The following OTUB1 variants were observed in gnomAD, a reference collection of about 807,000 sequenced individuals.
OTUB1 encodes the protein OTU deubiquitinase, ubiquitin aldehyde binding 1.
In OTUB1, 10 loss-of-function variants were observed where a neutral mutation model predicts 35.8. The observed-to-expected ratio is 0.28, with a 90% confidence interval of 0.17 to 0.47. The LOEUF (loss-of-function observed/expected upper bound fraction) is 0.47. Among genes scored for constraint, OTUB1 ranks in the 20% least tolerant of loss-of-function variants. The pLI, the probability that OTUB1 is intolerant of heterozygous loss-of-function variation, is 0.99. For missense variants in OTUB1, 264 were observed against 351.6 expected, an observed-to-expected ratio of 0.75 and a Z score of 1.99; for synonymous variants, 158 against 143.8, an observed-to-expected ratio of 1.10 and a Z score of -0.71.
At chr11:63,989,017 A>G (rs566130245) in intron 3 of OTUB1, 20 of 149,674 alleles carry the variant, frequency 1.3e-4, no homozygotes, top group African/African-American at 2.5e-4. Flanking sequence ...TTCATCTCAG[A>G]AAAAAAAAAA....
In OTUB1 at chr11:63,996,928, A is replaced by C. The variant is rs903343154; in HGVS notation, c.410A>C (p.Asp137Ala). The C allele has an allele frequency of 6.2e-7, 1 of 1,613,948 alleles. No homozygotes were observed. The highest frequency in any genetic ancestry group is 1.3e-5 in the African/African-American group (1 of 74,920). The stretch of plus-strand genomic sequence containing the variant: ...GGCTTCACTGAATTCACAATTGAGG[A>C]TTTCCACAACACGGTGAGCCCTGGT... The part of the protein sequence containing the change: ...SQGFTEFTIE[D>A]FHNTFMDLIE... The change falls in exon 5 of 7, where the codon GAT (aspartate) becomes GCT (alanine). Residue 137 changes from aspartate to alanine, a missense_variant. Around this residue, in one of 2 missense-constraint regions of OTUB1, gnomAD observed 214 missense variants for 317.1 expected, o/e 0.67. Coordinates refer to ENST00000538426, the MANE Select transcript of OTUB1 (RefSeq NM_017670.3).
At chr11:63,995,185 C>T (rs1942705777) in intron 3 of OTUB1, among the ~76,000 whole-genome samples, 1 of 152,232 alleles carries the variant, frequency 6.6e-6, no homozygotes, top group African/African-American at 2.4e-5. Context: ...CAGGATGCAC[C>T]ACCATGTGCA....
At position 63,996,831 on chromosome 11, in the gene OTUB1, G is replaced by A. The variant is rs937645562; in HGVS notation, c.339-26G>A. 5.0e-6 allele frequency: 8 copies of A among 1,613,970 alleles called. No homozygotes were observed. In the African/African-American group the frequency reaches 6.7e-5, roughly 13 times the overall value. Reference sequence around the variant, plus strand: ...TGGGCTGGTCGAGGAGCCCATGCTGGGCCCGCCTTTCCATCCCACCCCCAG... The same window carrying A: ...TGGGCTGGTCGAGGAGCCCATGCTGAGCCCGCCTTTCCATCCCACCCCCAG... On this transcript the variant is annotated intron_variant, in intron 4 of 6. Coordinates refer to ENST00000538426, the MANE Select transcript of OTUB1 (RefSeq NM_017670.3).
chr11:63,993,216 C>T (rs898375786), intron 3 of OTUB1, among the ~76,000 whole-genome samples: 1 of 152,158 alleles, frequency 6.6e-6, no homozygotes, highest in African/African-American at 2.4e-5. Context: ...GGTGGGGCAG[C>T]CTCGGGGAGG....
chr11:63,993,700 C>T (rs1467407227), intron 3 of OTUB1, among the ~76,000 whole-genome samples: 1 of 150,870 alleles, frequency 6.6e-6, no homozygotes, highest in Non-Finnish European at 1.5e-5. Context: ...CTGATGTCGT[C>T]AAGAGAGCAA....
Position 63,988,319 on chromosome 11 carries a change from C to CT in OTUB1, c.59-12dup. On this transcript the variant is annotated splice_polypyrimidine_tract_variant and intron_variant, in intron 1 of 6. Coordinates refer to ENST00000538426, the MANE Select transcript of OTUB1 (RefSeq NM_017670.3). ...GGCCAGGACCCCCTGTAATCTTTGG[C>CT]TTTTTTCCTTTTCCCAGGTGTTAAC... The CT allele has an allele frequency of 3.2e-6, 5 of 1,551,180 alleles. No individual in the cohort carries two copies. The highest frequency in any genetic ancestry group is 4.4e-6 in the Non-Finnish European group (5 of 1,146,412).
intron 1 of OTUB1, among the ~76,000 whole-genome samples, chr11:63,987,740 G>A (rs1365361018): frequency 6.6e-6 from 1 of 152,194 alleles, no homozygotes; most frequent in Non-Finnish European, 1.5e-5. Flanking sequence ...GGATGAAGGC[G>A]GTGATGGAGT....
intron 1 of OTUB1, among the ~76,000 whole-genome samples, chr11:63,987,807 A>G (rs374141094): frequency 6.6e-6 from 1 of 152,188 alleles, no homozygotes; most frequent in Non-Finnish European, 1.5e-5. Flanking sequence ...TCCTCGTCCT[A>G]CTTTCTGCAA....
chr11:63,996,789 G>C, intron 4 of OTUB1, 68 bp from the exon 5 acceptor site: 1 of 1,610,208 alleles, frequency 6.2e-7, no homozygotes. Flanking sequence ...GGGCAGTGCT[G>C]TCTCGGCCCT....
intron 1 of OTUB1, 71 bp from the exon 2 acceptor site, chr11:63,988,266 C>T: frequency 1.5e-6 from 2 of 1,316,618 alleles, no homozygotes; most frequent in Non-Finnish European, 2.1e-6. Context: ...CTGCTCTTGT[C>T]CCTGGCCCAG....
In OTUB1 at chr11:63,988,354, T is replaced by A. The variant is rs1281801041; in HGVS notation, c.76T>A (p.Tyr26Asn). 1.9e-6 allele frequency: 3 copies of A among 1,554,006 alleles called. No homozygotes were observed. The highest frequency in any genetic ancestry group is 2.4e-5 in the South Asian group (2 of 84,236). The change falls in exon 2 of 7, where the codon TAT (tyrosine) becomes AAT (asparagine). Residue 26 changes from tyrosine (Y) to asparagine (N), a missense_variant. Transcript: ENST00000538426. ...TTTCCCAGGTGTTAACTGTCTGGCC[T>A]ATGATGAAGCCATCATGGCTCAGCA... ...SDSEGVNCLA[Y>N]DEAIMAQQDR...
Position 63,997,394 on chromosome 11 carries a change from G to C in OTUB1, c.664G>C (p.Ala222Pro). 6.2e-7 allele frequency: 1 copy of C among 1,614,082 alleles called. No individual in the cohort carries two copies. Among genetic ancestry groups the C allele is most frequent in the South Asian group, 1.1e-5 (1 of 91,088 alleles). ...GGAGAGCGACCACATCCACATCATT[G>C]CGCTGGCCCAGGCCCTCAGCGTGTC... is the stretch of plus-strand genomic sequence containing the variant. ...CKESDHIHIIALAQALSVSIQ... is the reference protein window; with the variant it reads ...CKESDHIHIIPLAQALSVSIQ... Residue 222 changes from alanine (A) to proline (P), a missense_variant, in exon 7 of 7, where the codon GCG becomes CCG. By Grantham distance (27) the Ala-to-Pro change is conservative. This residue lies in a region of OTUB1 where 214 missense variants were observed against 317.1 expected (regional missense o/e 0.67). Transcript: ENST00000538426.
chr11:63,986,748 A>G lies in OTUB1; in HGVS notation c.58+234A>G, dbSNP rs552049396. 8.1e-5 allele frequency: 41 copies of G among 508,386 alleles called. No individual in the cohort carries two copies. The East Asian group carries it at 1.0e-3, about 13-fold the overall frequency. 31.5% of individuals were successfully genotyped at this position (508,386 alleles called of 1,614,324 possible). A position where few individuals can be genotyped will look rare whatever the true frequency, so the allele number is the denominator to read the frequency against. On this transcript the variant is annotated intron_variant, in intron 1 of 6. Transcript: ENST00000538426. ...GGGCCAAGGCCCGCGGCCCTTCTCC[A>G]TCGTGTGCGCCCGGGGCGGGGCCTG... is the stretch of plus-strand genomic sequence containing the variant.
Position 63,996,704 on chromosome 11 carries a change from G to A in OTUB1, c.338+56G>A, listed in dbSNP as rs781208546. ...AGGTGGGTGTCTACCTCCTCCCCGG[G>A]CGAGTAGGATGTGTCTCGAGTAGGG... On this transcript the variant is annotated intron_variant, in intron 4 of 6. Transcript: ENST00000538426. 1.8e-5 allele frequency: 29 copies of A among 1,613,708 alleles called. No homozygotes were observed. In the African/African-American group the frequency reaches 3.9e-4, roughly 21 times the overall value.
At chr11:63,988,922 A>G (rs984650816) in intron 3 of OTUB1, 170 bp downstream of exon 3, 5 of 572,502 alleles carry the variant, frequency 8.7e-6, no homozygotes, top group Non-Finnish European at 1.6e-5. Context: ...AAACACATTG[A>G]TTCAATGCTT....
chr11:63,996,280 G>T (rs1345991270), intron 3 of OTUB1, among the ~76,000 whole-genome samples: 1 of 152,202 alleles, frequency 6.6e-6, no homozygotes, highest in East Asian at 1.9e-4. Flanking sequence ...AGGCCCCGCA[G>T]AACTTTAGTG....
chr11:63,992,923 T>C (rs1015104753), intron 3 of OTUB1, among the ~76,000 whole-genome samples: 1 of 152,152 alleles, frequency 6.6e-6, no homozygotes, highest in African/African-American at 2.4e-5. Context: ...TGACCTCAAA[T>C]GATCCACCCA....
At chr11:63,993,925 G>A (rs896716622) in intron 3 of OTUB1, among the ~76,000 whole-genome samples, 9 of 151,976 alleles carry the variant, frequency 5.9e-5, no homozygotes, top group African/African-American at 2.2e-4. Context: ...CCAGGAGTTC[G>A]AGACCAGCCT....
intron 1 of OTUB1, chr11:63,986,828 C>T (rs946685810): frequency 5.7e-5 from 20 of 351,520 alleles, no homozygotes; most frequent in Middle Eastern, 1.5e-3. Context: ...GGCCCCGAGC[C>T]CTCTCGCCCC....
Sources: gnomAD v4.1 joint callset for allele counts (sites outside exome capture counted in the v4.1 genomes callset) on GRCh38, gnomAD v4.1.1 for gene constraint, gnomAD v4.1.1 regional missense constraint, MANE v1.5 for transcripts, NCBI Gene and HGNC (gene_info 2026-07-23, HGNC 2026-07-21) for gene names.